KMT2C: variants seen among roughly 807,000 people sequenced by gnomAD.
KMT2C encodes the protein histone-lysine N-methyltransferase 2C.
KMT2C carries 88 observed loss-of-function variants against 507.9 expected under a neutral mutation model. The ratio of observed to expected loss-of-function variants is 0.17; its 90% CI spans 0.15 to 0.21. The LOEUF (loss-of-function observed/expected upper bound fraction) is 0.21, where lower values mean the gene tolerates loss of function less well. Ranked by LOEUF, KMT2C falls within the 10% of genes least tolerant of loss-of-function variation. KMT2C has a pLI of 1.00. For missense variants in KMT2C, 4,954 were observed against 5,957.8 expected (o/e 0.83, Z 5.55); for synonymous variants, 2,049 against 2,080.8 (o/e 0.98, Z 0.42).
intron 6 of KMT2C, among the ~76,000 whole-genome samples, chr7:152,296,900 G>C (rs1171040070): frequency 1.3e-5 from 2 of 151,590 alleles, no homozygotes; most frequent in Non-Finnish European, 2.9e-5. Context: ...AGCACTTTCA[G>C]AGGCTAAGAC....
chr7:152,246,900 A>C (rs2095482654), intron 14 of KMT2C, among the ~76,000 whole-genome samples: 1 of 152,118 alleles, frequency 6.6e-6, no homozygotes, highest in East Asian at 1.9e-4. Context: ...TTTAGAGAAT[A>C]AAATATATCT....
chr7:152,432,784 G>A (rs1420197177), intron 1 of KMT2C, among the ~76,000 whole-genome samples: 1 of 152,166 alleles, frequency 6.6e-6, no homozygotes, highest in African/African-American at 2.4e-5. Flanking sequence ...TAAACTTGAG[G>A]AAAGTGTAAT....
At chr7:152,414,689 T>C (rs2097716616) in intron 1 of KMT2C, among the ~76,000 whole-genome samples, 1 of 151,854 alleles carries the variant, frequency 6.6e-6, no homozygotes, top group East Asian at 1.9e-4. Flanking sequence ...AGGGAAGAGG[T>C]TTCACCATGT....
chr7:152,259,446 GCACACACACACACACACA>G (rs372982101), intron 9 of KMT2C, among the ~76,000 whole-genome samples: 48 of 134,788 alleles, frequency 3.6e-4, no homozygotes, highest in African/African-American at 1.2e-3. Flanking sequence ...ACACACACGC[GCACACACACACACACACA>G]CACACACACA....
At chr7:152,284,079 A>G (rs563461697) in intron 6 of KMT2C, among the ~76,000 whole-genome samples, 18 of 152,318 alleles carry the variant, frequency 1.2e-4, no homozygotes, top group Admixed American at 7.2e-4. Flanking sequence ...TTCTTCTTTT[A>G]ATGACTTTTT....
At position 152,184,154 on chromosome 7, in the gene KMT2C, G is replaced by A. The variant is rs1211065131; in HGVS notation, c.5083-998C>T. ...AAAAAAAAATCTGGATATTTGAAAC[G>A]TATCATTAAAGAAATCACTTAAAAA... is the stretch of plus-strand genomic sequence containing the variant. On this transcript the variant is annotated intron_variant, in intron 34 of 58. Coordinates refer to ENST00000262189, the MANE Select transcript of KMT2C (RefSeq NM_170606.3). 3.5e-5 allele frequency among the ~76,000 whole-genome samples: 5 copies of A among 144,582 alleles called. No homozygotes were observed. The East Asian group carries it at 6.0e-4, about 17-fold the overall frequency. 94.9% of individuals were successfully genotyped at this position (144,582 alleles called of 152,430 possible). A position where few individuals can be genotyped will look rare whatever the true frequency, so the allele number is the denominator to read the frequency against.
chr7:152,231,108 T>C (rs2095095019), intron 16 of KMT2C, among the ~76,000 whole-genome samples: 2 of 152,228 alleles, frequency 1.3e-5, no homozygotes, highest in East Asian at 3.8e-4. Context: ...TAGGAAGTTT[T>C]AAATTGCATA....
Position 152,180,017 on chromosome 7 carries a change from A to C in KMT2C, c.7259T>G (p.Leu2420Arg), listed in dbSNP as rs200810583. The C allele has an allele frequency of 4.2e-5, 68 of 1,614,134 alleles. No homozygotes were observed. The South Asian group carries it at 7.2e-4, about 17-fold the overall frequency. ...DSPAVPHPGP[L>R]QHWQPENVNQ... ...AACATTCTCTGGTTGCCAGTGTTGA[A>C]GAGGCCCTGGATGAGGCACTGCGGG... The change falls in exon 37 of 59, where the codon CTT (leucine) becomes CGT (arginine). Residue 2420 changes from leucine to arginine, a missense_variant. Around this residue, in one of 29 missense-constraint regions of KMT2C, gnomAD observed 1,689 missense variants for 1,654.3 expected, o/e 1.02. Coordinates refer to ENST00000262189, the MANE Select transcript of KMT2C (RefSeq NM_170606.3).
intron 1 of KMT2C, among the ~76,000 whole-genome samples, chr7:152,417,371 G>A (rs567208852): frequency 5.9e-5 from 9 of 152,246 alleles, no homozygotes; most frequent in Admixed American, 2.6e-4. Flanking sequence ...ATCCACCTCG[G>A]CCTCCCAAAG....
intron 42 of KMT2C, among the ~76,000 whole-genome samples, chr7:152,164,417 G>A (rs1044885946): frequency 6.6e-6 from 1 of 151,598 alleles, no homozygotes; most frequent in African/African-American, 2.4e-5. Flanking sequence ...AGCCTCCCGA[G>A]TAGCTGGGAC....
chr7:152,232,796 A>G (rs932700925), intron 16 of KMT2C, among the ~76,000 whole-genome samples: 13 of 152,194 alleles, frequency 8.5e-5, no homozygotes, highest in African/African-American at 2.7e-4. Context: ...AGTGACTACT[A>G]AAAGTAATCA....
rs2092490583 is a variant in KMT2C, at chr7:152,162,173, C to A, written c.11404G>T (p.Asp3802Tyr). Residue 3802 changes from aspartate to tyrosine, a missense_variant, in exon 43 of 59, where the codon GAT becomes TAT. This residue lies in a region of KMT2C where 801 missense variants were observed against 751.2 expected (regional missense o/e 1.07). Coordinates refer to ENST00000262189, the MANE Select transcript of KMT2C (RefSeq NM_170606.3). ...AGTTTATTATCCTTTGTACAGTCAT[C>A]TTCTGAACAAATACTGCCCTCAGGT... Reference protein sequence around the residue: ...QKPEGSICSEDDCTKDNKLVE... With the variant: ...QKPEGSICSEYDCTKDNKLVE... 6.2e-7 allele frequency: 1 copy of A among 1,610,260 alleles called. No individual in the cohort carries two copies. The highest frequency in any genetic ancestry group is 1.3e-5 in the African/African-American group (1 of 74,780).
Position 152,149,078 on chromosome 7 carries a change from G to A in KMT2C, c.12849C>T (p.Asn4283=). 6.6e-6 allele frequency: 10 copies of A among 1,522,394 alleles called. No individual in the cohort carries two copies. Among genetic ancestry groups the A allele is most frequent in the Non-Finnish European group, 8.8e-6 (10 of 1,138,706 alleles). The allele number at this position is 1,522,394 out of a possible 1,614,324, so 94.3% of individuals were successfully genotyped here. The part of the protein sequence containing the change: ...PSKAFHQYSN[N]ISTLDVHCLP... ...GACAGTGCACATCCAAAGTGGAGAT[G>A]TTGTTGCTGTACTGATGAAATGCTT... The change falls in exon 52 of 59, where the codon AAC becomes AAT. Residue 4283 remains asparagine, a synonymous_variant. Transcript: ENST00000262189.
At chr7:152,364,930 G>GACACACACAC (rs771689076) in intron 1 of KMT2C, among the ~76,000 whole-genome samples, 38 of 130,312 alleles carry the variant, frequency 2.9e-4, no homozygotes, top group African/African-American at 1.1e-3. Flanking sequence ...ATCTGAAACA[G>GACACACACAC]ACAGACACAC....
intron 35 of KMT2C, 24 bp from the exon 36 acceptor site, chr7:152,182,618 C>T (rs748677775): frequency 6.6e-7 from 1 of 1,521,872 alleles, no homozygotes; most frequent in South Asian, 1.3e-5. Flanking sequence ...AAAGAAAAAG[C>T]AATCATATTT....
In KMT2C at chr7:152,209,031, C is replaced by T. The variant is rs186800806; in HGVS notation, c.3713-1603G>A. Among the ~76,000 whole-genome samples the T allele has an allele frequency of 6.8e-4, 103 of 152,048 alleles. 1 individual carries two copies. The highest frequency in any genetic ancestry group is 2.1e-3 in the African/African-American group (89 of 41,466). Reference sequence around the variant, plus strand: ...AAAATTATCTGGGCGTGGTGGTACACGCCTAAAAGCCCAGCTATTCAGGAG... The same window carrying T: ...AAAATTATCTGGGCGTGGTGGTACATGCCTAAAAGCCCAGCTATTCAGGAG... On this transcript the variant is annotated intron_variant, in intron 23 of 58. Transcript: ENST00000262189.
chr7:152,374,655 T>C (rs1168895127), intron 1 of KMT2C, among the ~76,000 whole-genome samples: 1 of 151,992 alleles, frequency 6.6e-6, no homozygotes, highest in Non-Finnish European at 1.5e-5. Flanking sequence ...TCCCAGCACT[T>C]TGGGAAGCCA....
chr7:152,259,396 ATAG>A (rs1337692586), intron 9 of KMT2C, among the ~76,000 whole-genome samples: 2 of 151,610 alleles, frequency 1.3e-5, no homozygotes, highest in African/African-American at 4.9e-5. Flanking sequence ...TAACCCTCAA[ATAG>A]TAGGGGGTTA....
At chr7:152,210,970 A>C (rs563086760) in intron 23 of KMT2C, among the ~76,000 whole-genome samples, 2 of 152,368 alleles carry the variant, frequency 1.3e-5, no homozygotes, top group South Asian at 2.1e-4. Context: ...AATTGTTATC[A>C]ATAATATAGT....
Sources: gnomAD v4.1 joint callset for allele counts (sites outside exome capture counted in the v4.1 genomes callset) on GRCh38, gnomAD v4.1.1 for gene constraint, gnomAD v4.1.1 regional missense constraint, MANE v1.5 for transcripts, NCBI Gene and HGNC (gene_info 2026-07-23, HGNC 2026-07-21) for gene names.